BBS9: variants seen among roughly 807,000 people sequenced by gnomAD.
The protein encoded by BBS9 is protein PTHB1.
A neutral mutation model predicts 117.7 loss-of-function variants in BBS9; 89 were observed. The ratio of observed to expected loss-of-function variants is 0.76; its 90% CI spans 0.64 to 0.90. BBS9 has a LOEUF of 0.90. Among genes scored for constraint, BBS9 ranks in the 40% least tolerant of loss-of-function variants. The pLI, the probability that BBS9 is intolerant of heterozygous loss-of-function variation, is 0.00. For missense variants in BBS9, 982 were observed against 1,042.2 expected (o/e 0.94, Z 0.80); for synonymous variants, 379 against 370.9 (o/e 1.02, Z -0.25).
chr7:33,205,540 G>A (rs892207585), intron 5 of BBS9, among the ~76,000 whole-genome samples: 1 of 152,074 alleles, frequency 6.6e-6, no homozygotes, highest in Non-Finnish European at 1.5e-5. Flanking sequence ...GTGGGAAACC[G>A]ATACTTTAGC....
intron 21 of BBS9, among the ~76,000 whole-genome samples, chr7:33,587,859 T>A (rs1861194674): frequency 6.6e-6 from 1 of 152,154 alleles, no homozygotes; most frequent in Non-Finnish European, 1.5e-5. Flanking sequence ...TCCAGTTGTT[T>A]ATCTAATCTT....
chr7:33,559,506 G>A (rs1855774192), intron 21 of BBS9, among the ~76,000 whole-genome samples: 1 of 152,116 alleles, frequency 6.6e-6, no homozygotes, highest in African/African-American at 2.4e-5. Context: ...ACTGGCCGAA[G>A]CTTCAGATAG....
intron 21 of BBS9, among the ~76,000 whole-genome samples, chr7:33,598,279 A>G (rs994184453): frequency 6.6e-6 from 1 of 152,162 alleles, no homozygotes; most frequent in East Asian, 1.9e-4. Flanking sequence ...TGTAATCATA[A>G]GAAGGACATC....
chr7:33,296,325 G>T (rs1405481057), intron 9 of BBS9, among the ~76,000 whole-genome samples: 2 of 152,074 alleles, frequency 1.3e-5, no homozygotes, highest in South Asian at 4.1e-4. Context: ...AAAACAATTA[G>T]AATTTAATTT....
intron 9 of BBS9, among the ~76,000 whole-genome samples, chr7:33,314,782 A>G (rs1267638333): frequency 2.0e-5 from 3 of 152,236 alleles, no homozygotes; most frequent in Non-Finnish European, 4.4e-5. Context: ...AAGTTGACAC[A>G]CATGCACAAA....
intron 21 of BBS9, among the ~76,000 whole-genome samples, chr7:33,541,012 C>G (rs1413119693): frequency 6.6e-6 from 1 of 152,164 alleles, no homozygotes; most frequent in Admixed American, 6.5e-5. Context: ...TCTTTGGCTT[C>G]TCATTCTCTC....
intron 9 of BBS9, among the ~76,000 whole-genome samples, chr7:33,317,313 T>C (rs1191148672): frequency 1.3e-5 from 2 of 152,196 alleles, no homozygotes; most frequent in Non-Finnish European, 2.9e-5. Flanking sequence ...TTCCTCTTTT[T>C]TCAAGGTTGT....
At chr7:33,493,946 A>C (rs865953901) in intron 19 of BBS9, among the ~76,000 whole-genome samples, 1 of 152,228 alleles carries the variant, frequency 6.6e-6, no homozygotes, top group East Asian at 1.9e-4. Context: ...TCTGATCATC[A>C]AACTTCATTA....
chr7:33,329,797 C>A (rs1813619349), intron 9 of BBS9, among the ~76,000 whole-genome samples: 1 of 152,126 alleles, frequency 6.6e-6, no homozygotes, highest in African/African-American at 2.4e-5. Context: ...TAAATACAAT[C>A]TTTTTGCTAG....
chr7:33,211,600 T>G (rs758263794), intron 5 of BBS9, among the ~76,000 whole-genome samples: 2 of 152,230 alleles, frequency 1.3e-5, no homozygotes, highest in Non-Finnish European at 2.9e-5. Flanking sequence ...GGTTCATCAT[T>G]TAGTCTTTCT....
chr7:33,532,459 G>A (rs1850735034), intron 20 of BBS9, among the ~76,000 whole-genome samples: 2 of 152,194 alleles, frequency 1.3e-5, no homozygotes, highest in African/African-American at 4.8e-5. Context: ...CTGGGGAGAT[G>A]TCGGGAAACT....
At chr7:33,378,626 A>AT (rs1366767815) in intron 17 of BBS9, among the ~76,000 whole-genome samples, 4 of 152,122 alleles carry the variant, frequency 2.6e-5, no homozygotes, top group South Asian at 2.1e-4. Context: ...TTTGTCAGAG[A>AT]TTTTTTTGTT....
At chr7:33,253,202 T>C (rs1796495689) in intron 5 of BBS9, among the ~76,000 whole-genome samples, 1 of 152,222 alleles carries the variant, frequency 6.6e-6, no homozygotes, top group Admixed American at 6.5e-5. Context: ...TAAGTGAAAC[T>C]AAATTTTAAG....
chr7:33,508,708 C>A (rs577284141), intron 20 of BBS9, among the ~76,000 whole-genome samples: 2 of 152,202 alleles, frequency 1.3e-5, no homozygotes, highest in Non-Finnish European at 2.9e-5. Context: ...TTAAGCCAGG[C>A]AGGGCTGGCA....
At chr7:33,212,824 G>A (rs946973555) in intron 5 of BBS9, among the ~76,000 whole-genome samples, 2 of 152,170 alleles carry the variant, frequency 1.3e-5, no homozygotes, top group African/African-American at 4.8e-5. Flanking sequence ...ACGAGGCAGA[G>A]ACTCATATTC....
At chr7:33,145,961 C>T (rs767670874) in intron 1 of BBS9, among the ~76,000 whole-genome samples, 1 of 152,120 alleles carries the variant, frequency 6.6e-6, no homozygotes, top group Admixed American at 6.6e-5. Flanking sequence ...AGAATCTGTT[C>T]TTTTGTTATT....
chr7:33,459,742 G>A (rs1280848721), intron 19 of BBS9, among the ~76,000 whole-genome samples: 1 of 152,078 alleles, frequency 6.6e-6, no homozygotes, highest in Non-Finnish European at 1.5e-5. Flanking sequence ...TTTTATTGAA[G>A]AAACCAAGAT....
intron 6 of BBS9, 56 bp downstream of exon 6, chr7:33,257,466 A>T: frequency 6.5e-7 from 1 of 1,547,354 alleles, no homozygotes; most frequent in Non-Finnish European, 8.9e-7. Flanking sequence ...TTTGTTGCTG[A>T]CTAATTTTTG....
At chr7:33,591,331 C>T (rs1254760885) in intron 21 of BBS9, among the ~76,000 whole-genome samples, 1 of 152,016 alleles carries the variant, frequency 6.6e-6, no homozygotes, top group Non-Finnish European at 1.5e-5. Flanking sequence ...CATTTGGAAA[C>T]TAAAATAGAA....
Sources: gnomAD v4.1 joint callset for allele counts (sites outside exome capture counted in the v4.1 genomes callset) on GRCh38, gnomAD v4.1.1 for gene constraint, MANE v1.5 for transcripts, NCBI Gene and HGNC (gene_info 2026-07-23, HGNC 2026-07-21) for gene names.